The following DRC8 variants were observed in gnomAD, a reference collection of about 807,000 sequenced individuals.
DRC8 encodes the protein dynein regulatory complex protein 8.
At chr1:245,014,942 A>C in the DRC8 span, among the ~76,000 whole-genome samples, 1 of 152,230 alleles carries the variant, frequency 6.6e-6, no homozygotes, top group Non-Finnish European at 1.5e-5. Context: ...TTGGAAGAAA[A>C]TACAGCAAAA....
the DRC8 span, among the ~76,000 whole-genome samples, chr1:245,030,249 C>A: frequency 6.6e-6 from 1 of 152,198 alleles, no homozygotes; most frequent in Non-Finnish European, 1.5e-5. Flanking sequence ...GGAAACGGGG[C>A]TCCTTTTTAT....
chr1:245,106,936 C>T, the DRC8 span, among the ~76,000 whole-genome samples: 3,498 of 152,110 alleles, frequency 0.023, 135 homozygotes, highest in East Asian at 0.14. Context: ...CCCAGCCACT[C>T]GGGAGGCTGA....
At chr1:245,038,681 T>A in the DRC8 span, among the ~76,000 whole-genome samples, 27 of 152,086 alleles carry the variant, frequency 1.8e-4, no homozygotes, top group Non-Finnish European at 3.4e-4. Flanking sequence ...TTTAGAAAAA[T>A]ATAAAATTGG....
At chr1:244,979,326 A>C in the DRC8 span, among the ~76,000 whole-genome samples, 1 of 86,222 alleles carries the variant, frequency 1.2e-5, no homozygotes, top group Admixed American at 1.9e-4. Flanking sequence ...TTTTTTTGAG[A>C]CGTAGTCTTG....
At chr1:245,073,706 TG>T in the DRC8 span, among the ~76,000 whole-genome samples, 1 of 152,138 alleles carries the variant, frequency 6.6e-6, no homozygotes, top group Admixed American at 6.5e-5. Context: ...TATATATACA[TG>T]TATATATAAT....
the DRC8 span, chr1:245,087,412 TC>T: frequency 6.5e-7 from 1 of 1,537,904 alleles, no homozygotes; most frequent in Non-Finnish European, 8.7e-7. Flanking sequence ...AATTGCTTGT[TC>T]TTGTTAATTT....
At chr1:245,083,627 A>G in the DRC8 span, 12 of 1,608,840 alleles carry the variant, frequency 7.5e-6, no homozygotes, top group South Asian at 1.2e-4. Context: ...CCTAGGTTTT[A>G]GATTCAGCTA....
chr1:245,121,773 TC>T, the DRC8 span: 4 of 348,254 alleles, frequency 1.1e-5, no homozygotes, highest in South Asian at 9.5e-5. Context: ...AGGCAAAGCA[TC>T]AACCCCTCCG....
the DRC8 span, among the ~76,000 whole-genome samples, chr1:245,071,405 G>A: frequency 4.6e-5 from 7 of 152,278 alleles, no homozygotes; most frequent in African/African-American, 1.7e-4. Flanking sequence ...ATTCTGTTGA[G>A]GTCACAGACA....
the DRC8 span, among the ~76,000 whole-genome samples, chr1:245,018,999 T>C: frequency 6.6e-6 from 1 of 152,192 alleles, no homozygotes; most frequent in South Asian, 2.1e-4. Context: ...TCTTCTGCCT[T>C]CAGGCTTCCT....
At chr1:245,093,875 C>A in the DRC8 span, among the ~76,000 whole-genome samples, 5 of 152,112 alleles carry the variant, frequency 3.3e-5, no homozygotes, top group African/African-American at 1.2e-4. Flanking sequence ...TGGCTCCCCC[C>A]ACACGCCCCG....
the DRC8 span, chr1:245,086,852 C>T: frequency 1.9e-6 from 1 of 531,538 alleles, no homozygotes; most frequent in Non-Finnish European, 3.9e-6. Context: ...CAAACTTGTG[C>T]TTTAACCACT....
chr1:245,064,019 G>A, the DRC8 span, among the ~76,000 whole-genome samples: 13 of 152,078 alleles, frequency 8.5e-5, no homozygotes, highest in African/African-American at 2.9e-4. Context: ...AACCACGCCC[G>A]GCCCAGATCT....
the DRC8 span, among the ~76,000 whole-genome samples, chr1:244,980,040 TAAAAAAAAAAAAAAA>T: frequency 1.3e-3 from 46 of 34,760 alleles, no homozygotes; most frequent in South Asian, 3.9e-3. Context: ...CCGTCTCTAC[TAAAAAAAAAAAAAAA>T]AAAAAAAAAA....
chr1:245,005,608 G>T, the DRC8 span, among the ~76,000 whole-genome samples: 17 of 152,136 alleles, frequency 1.1e-4, no homozygotes, highest in Non-Finnish European at 2.1e-4. Context: ...CTCCCAAAGT[G>T]CTGGGATTAC....
the DRC8 span, among the ~76,000 whole-genome samples, chr1:245,074,342 A>C: frequency 6.6e-6 from 1 of 152,214 alleles, no homozygotes; most frequent in South Asian, 2.1e-4. Context: ...TGCTGCAATC[A>C]CCATCTCTAT....
the DRC8 span, among the ~76,000 whole-genome samples, chr1:244,995,902 T>C: frequency 1.3e-5 from 2 of 152,230 alleles, no homozygotes; most frequent in Admixed American, 6.5e-5. Context: ...CTGCAAAGCC[T>C]CTCCCACATT....
At chr1:245,024,822 ACGTGAGCCAC>A in the DRC8 span, among the ~76,000 whole-genome samples, 2 of 152,014 alleles carry the variant, frequency 1.3e-5, no homozygotes, top group South Asian at 4.1e-4. Context: ...GGGATTACAG[ACGTGAGCCAC>A]CATGTCCAGC....
At chr1:244,991,384 G>T in the DRC8 span, among the ~76,000 whole-genome samples, 5 of 152,000 alleles carry the variant, frequency 3.3e-5, no homozygotes, top group African/African-American at 1.2e-4. Flanking sequence ...TTTTTGTGGG[G>T]GTTCCATTAT....
Sources: allele counts gnomAD v4.1 joint callset (sites outside exome capture counted in the v4.1 genomes callset), GRCh38; gene constraint gnomAD v4.1.1; transcripts MANE v1.5; gene names NCBI Gene and HGNC (gene_info 2026-07-23, HGNC 2026-07-21).